Variants in TBCK observed in about 807,000 individuals in gnomAD.
TBCK encodes TBC domain-containing protein kinase-like protein.
A neutral mutation model predicts 113.4 loss-of-function variants in TBCK; 99 were observed. The observed-to-expected ratio is 0.87, with a 90% CI of 0.74 to 1.03. TBCK has a LOEUF of 1.03. TBCK is among the 50% of genes least tolerant of loss of function. The probability of loss-of-function intolerance (pLI) is 0.00; values close to 1 mark genes in which losing one functional copy is unlikely to be tolerated. For missense variants in TBCK, 1,045 were observed against 1,061.3 expected (o/e 0.98, Z 0.21); for synonymous variants, 369 against 370.8 (o/e 1.00, Z 0.05).
intron 15 of TBCK, among the ~76,000 whole-genome samples, chr4:106,234,744 T>A (rs568808459): frequency 9.8e-5 from 15 of 152,288 alleles, no homozygotes; most frequent in Non-Finnish European, 1.8e-4. Flanking sequence ...CGGAGTTCTC[T>A]GTTAGTATTG....
intron 23 of TBCK, among the ~76,000 whole-genome samples, chr4:106,121,003 C>T (rs984006044): frequency 1.2e-4 from 18 of 152,118 alleles, no homozygotes; most frequent in South Asian, 8.3e-4. Flanking sequence ...AGGCTTCAGA[C>T]GATCAAATTA....
At chr4:106,213,311 C>G (rs1220048270) in intron 19 of TBCK, 1 of 153,148 alleles carries the variant, frequency 6.5e-6, no homozygotes, top group Non-Finnish European at 1.5e-5. Context: ...AATTTATTTC[C>G]ATCTAAGACT....
chr4:106,080,087 G>A (rs572475497), intron 25 of TBCK, among the ~76,000 whole-genome samples: 18 of 152,132 alleles, frequency 1.2e-4, no homozygotes, highest in African/African-American at 4.3e-4. Flanking sequence ...AGTTAAGATT[G>A]ATAAAATGGC....
intron 23 of TBCK, among the ~76,000 whole-genome samples, chr4:106,167,175 G>A (rs1232906482): frequency 6.9e-6 from 1 of 144,708 alleles, no homozygotes; most frequent in Non-Finnish European, 1.5e-5. Flanking sequence ...TGTATATATA[G>A]AACTGTATAT....
intron 23 of TBCK, among the ~76,000 whole-genome samples, chr4:106,130,629 CCA>C (rs1553937235): frequency 1.4e-5 from 2 of 144,826 alleles, no homozygotes; most frequent in African/African-American, 5.2e-5. Flanking sequence ...CACACACACA[CCA>C]CACAGAAACT....
intron 11 of TBCK, among the ~76,000 whole-genome samples, chr4:106,243,175 A>G (rs534102771): frequency 1.3e-5 from 2 of 152,234 alleles, no homozygotes; most frequent in South Asian, 4.1e-4. Context: ...TCTCATTTTC[A>G]AATATCTCTT....
intron 22 of TBCK, among the ~76,000 whole-genome samples, chr4:106,187,075 C>G (rs1282945364): frequency 6.6e-6 from 1 of 152,136 alleles, no homozygotes; most frequent in East Asian, 1.9e-4. Context: ...TCTGCGTTCT[C>G]TAACCCATTC....
intron 3 of TBCK, among the ~76,000 whole-genome samples, chr4:106,292,076 T>C (rs1360336664): frequency 2.0e-5 from 3 of 151,012 alleles, no homozygotes; most frequent in Non-Finnish European, 4.4e-5. Flanking sequence ...ACTGAATTGG[T>C]CACTTTACAT....
intron 22 of TBCK, among the ~76,000 whole-genome samples, chr4:106,173,753 G>T (rs1350991889): frequency 2.0e-5 from 3 of 151,924 alleles, no homozygotes; most frequent in Admixed American, 2.0e-4. Context: ...CCCTTCCAAA[G>T]CACATTATCA....
chr4:106,316,296 C>A (rs1336056541), upstream of TBCK: 3 of 440,536 alleles, frequency 6.8e-6, no homozygotes, highest in African/African-American at 6.0e-5. Context: ...TGGTGTCCTT[C>A]CCCTTGCCCA....
At chr4:106,115,737 C>T (rs996480073) in intron 24 of TBCK, among the ~76,000 whole-genome samples, 2 of 152,136 alleles carry the variant, frequency 1.3e-5, no homozygotes, top group Non-Finnish European at 1.5e-5. Flanking sequence ...GTAAAATCTT[C>T]GTAAATAACA....
chr4:106,186,462 A>T (rs923204306), intron 22 of TBCK, among the ~76,000 whole-genome samples: 7 of 151,966 alleles, frequency 4.6e-5, no homozygotes, highest in African/African-American at 1.7e-4. Flanking sequence ...TGTGGTTTTG[A>T]TTTGCATTTC....
intron 5 of TBCK, among the ~76,000 whole-genome samples, chr4:106,257,575 T>C (rs1762125850): frequency 6.6e-6 from 1 of 152,126 alleles, no homozygotes; most frequent in Non-Finnish European, 1.5e-5. Context: ...ATGATGGTGA[T>C]ACCAGTATCT....
At chr4:106,237,896 T>A (rs1389423057) in intron 12 of TBCK, among the ~76,000 whole-genome samples, 1 of 152,136 alleles carries the variant, frequency 6.6e-6, no homozygotes, top group African/African-American at 2.4e-5. Flanking sequence ...TAATTAAGTA[T>A]CTTGTCTGTC....
At chr4:106,170,598 T>C (rs574118970) in intron 23 of TBCK, among the ~76,000 whole-genome samples, 3 of 152,238 alleles carry the variant, frequency 2.0e-5, no homozygotes, top group Non-Finnish European at 2.9e-5. Flanking sequence ...TATGATACTA[T>C]GATAATATTA....
rs117886663 is a variant in TBCK at position 106,163,902 on chromosome 4, T to G, written c.2235+7193A>C. On this transcript the variant is annotated intron_variant, in intron 23 of 25. Coordinates refer to ENST00000394708, the MANE Select transcript of TBCK (RefSeq NM_001163435.3). ...ACACTTGGAATATAGAAAGAAAAAT[T>G]CATATTTTAATCCAGGAAATCAAGG... Among the ~76,000 whole-genome samples the G allele has an allele frequency of 8.5e-5, 13 of 152,232 alleles. No individual in the cohort carries two copies. The East Asian group carries it at 1.4e-3, about 16-fold the overall frequency.
At chr4:106,192,502 A>G (rs569857897) in intron 22 of TBCK, among the ~76,000 whole-genome samples, 1 of 152,260 alleles carries the variant, frequency 6.6e-6, no homozygotes, top group East Asian at 1.9e-4. Flanking sequence ...GACCTAAACT[A>G]TTCATTCATA....
At chr4:106,093,814 C>T (rs895075830) in intron 25 of TBCK, among the ~76,000 whole-genome samples, 34 of 138,782 alleles carry the variant, frequency 2.4e-4, no homozygotes, top group African/African-American at 8.7e-4. Flanking sequence ...CACATGTATC[C>T]CTGAACCTAA....
intron 3 of TBCK, among the ~76,000 whole-genome samples, chr4:106,283,844 T>C (rs1436854969): frequency 6.6e-6 from 1 of 151,302 alleles, no homozygotes; most frequent in Non-Finnish European, 1.5e-5. Flanking sequence ...GCAGAAAAAG[T>C]GGGAGGACTG....
Sources: allele counts gnomAD v4.1 joint callset (sites outside exome capture counted in the v4.1 genomes callset), GRCh38; gene constraint gnomAD v4.1.1; transcripts MANE v1.5; gene names NCBI Gene and HGNC (gene_info 2026-07-23, HGNC 2026-07-21).